The following MVK variants were observed in gnomAD, a reference collection of about 807,000 sequenced individuals.
MVK encodes LH receptor mRNA-binding protein.
A neutral mutation model predicts 43.2 loss-of-function variants in MVK; 34 were observed. That is an observed-to-expected ratio of 0.79 (90% CI 0.60 to 1.05). The LOEUF (loss-of-function observed/expected upper bound fraction) is 1.05. MVK is among the 50% of genes least tolerant of loss of function. The probability of loss-of-function intolerance (pLI) is 0.00; values close to 1 mark genes in which losing one functional copy is unlikely to be tolerated. For synonymous variants in MVK, 190 were observed against 219.8 expected, an observed-to-expected ratio of 0.86 and a Z score of 1.20; for missense variants, 395 against 504.0, an observed-to-expected ratio of 0.78 and a Z score of 2.07.
chr12:109,585,379 A>T (rs1358034283), intron 5 of MVK, among the ~76,000 whole-genome samples: 1 of 152,198 alleles, frequency 6.6e-6, no homozygotes, highest in African/African-American at 2.4e-5. Flanking sequence ...CCTTGCCATC[A>T]TTAGACACAC....
At chr12:109,579,157 T>TTTTA in intron 3 of MVK, 2 of 396,402 alleles carry the variant, frequency 5.0e-6, no homozygotes, top group Admixed American at 6.3e-5. Context: ...TTTTTTTTTT[T>TTTTA]GAGACAGGGT....
intron 5 of MVK, among the ~76,000 whole-genome samples, chr12:109,583,089 G>GTTT (rs71079573): frequency 3.8e-4 from 57 of 148,872 alleles, no homozygotes; most frequent in Non-Finnish European, 4.7e-4. Flanking sequence ...TCCTTGGTCT[G>GTTT]TTTTTTTTTT....
At chr12:109,583,457 C>T (rs1460133166) in intron 5 of MVK, among the ~76,000 whole-genome samples, 12 of 152,166 alleles carry the variant, frequency 7.9e-5, no homozygotes, top group Admixed American at 7.9e-4. Context: ...CATAGTGTTC[C>T]ATGGTGTATA....
At chr12:109,581,673 T>C in intron 5 of MVK, 123 bp downstream of exon 5, 2 of 1,388,294 alleles carry the variant, frequency 1.4e-6, no homozygotes, top group Non-Finnish European at 2.0e-6. Flanking sequence ...CATTTTAACA[T>C]GAGGAAGCTG....
At chr12:109,585,726 C>G (rs1010115500) in intron 5 of MVK, among the ~76,000 whole-genome samples, 1 of 151,974 alleles carries the variant, frequency 6.6e-6, no homozygotes, top group Non-Finnish European at 1.5e-5. Flanking sequence ...CACCACTGCA[C>G]TCCAGCCTGG....
rs539146613 is a variant in MVK at position 109,586,811 on chromosome 12, G to A, written c.677+12G>A. The A allele has an allele frequency of 3.7e-6, 6 of 1,613,950 alleles. No individual in the cohort carries two copies. The highest frequency in any genetic ancestry group is 4.5e-5 in the East Asian group (2 of 44,890). ...TCATCCTTAAAGAGGTAACCTGGGG[G>A]TGGAGCAGCACATTCAGCCATGGCT... On this transcript the variant is annotated intron_variant, in intron 7 of 10. Coordinates refer to ENST00000228510, the MANE Select transcript of MVK (RefSeq NM_000431.4).
In MVK at chr12:109,595,271, GGAAA is replaced by G; in HGVS notation, c.1039+91_1039+94del. ...TTCCCTTGAAAGGAAAAAGAGACCT[GGAAA>G]CAGGTCTCAGCTCCGCTGTGTGGCC... On this transcript the variant is annotated intron_variant, in intron 10 of 10. Transcript: ENST00000228510. This position sits in a 1 kb window ranked among gnomAD's most constrained non-coding sequence, Gnocchi z 5.9. The G allele has an allele frequency of 2.6e-6, 4 of 1,544,294 alleles. No homozygotes were observed. The highest frequency in any genetic ancestry group is 3.5e-6 in the Non-Finnish European group (4 of 1,139,556).
At position 109,595,104 on chromosome 12, in the gene MVK, T is replaced by C; in HGVS notation, c.962T>C (p.Val321Ala). The change falls in exon 10 of 11, where the codon GTG (valine) becomes GCG (alanine). Residue 321 changes from valine to alanine, a missense_variant. Coordinates refer to ENST00000228510, the MANE Select transcript of MVK (RefSeq NM_000431.4). The surrounding 1 kb of genome is among the most constrained non-coding windows in gnomAD (Gnocchi z 5.9). ...GCCTCTCTGGACCAGCTCTGCCAGG[T>C]GACCAGGGCCCGCGGACTTCACAGC... is the stretch of plus-strand genomic sequence containing the variant. ...GHASLDQLCQ[V>A]TRARGLHSKL... 1 of 1,614,184 alleles carries C rather than the reference T, an allele frequency of 6.2e-7. No homozygotes were observed. The highest frequency in any genetic ancestry group is 8.5e-7 in the Non-Finnish European group (1 of 1,180,038).
intron 5 of MVK, among the ~76,000 whole-genome samples, chr12:109,582,830 C>T (rs1221466534): frequency 6.6e-6 from 1 of 152,204 alleles, no homozygotes; most frequent in Non-Finnish European, 1.5e-5. Flanking sequence ...GGCACGCTGC[C>T]ACCTGTTGGT....
intron 7 of MVK, chr12:109,589,806 C>T (rs944766559): frequency 6.6e-6 from 1 of 152,304 alleles, no homozygotes; most frequent in African/African-American, 2.4e-5. Flanking sequence ...CCATCCCAGC[C>T]TGCAGCCCTC....
At chr12:109,586,641 CCT>C (rs1460676567) in intron 6 of MVK, 111 bp from the exon 7 acceptor site, 6 of 1,168,378 alleles carry the variant, frequency 5.1e-6, no homozygotes, top group Non-Finnish European at 7.7e-6. Context: ...CATTACTTAG[CCT>C]CTTTCCTGAA....
chr12:109,579,837 G>C lies in MVK; in HGVS notation c.262G>C (p.Val88Leu). ...TGTCACAACACCCACCTCAGAGCAA[G>C]TGGAGAAGCTAAAGGAGGTTGCAGG... is the stretch of plus-strand genomic sequence containing the variant. The part of the protein sequence containing the change: ...GDVTTPTSEQ[V>L]EKLKEVAGLP... Residue 88 changes from valine (V) to leucine (L), a missense_variant, in exon 4 of 11, where the codon GTG (valine) becomes CTG (leucine). Transcript: ENST00000228510. 1 of 1,614,274 alleles carries C rather than the reference G, an allele frequency of 6.2e-7. No homozygotes were observed. Among genetic ancestry groups the C allele is most frequent in the Non-Finnish European group, 8.5e-7 (1 of 1,180,046 alleles).
At chr12:109,593,497 A>G (rs1436324003) in intron 9 of MVK, among the ~76,000 whole-genome samples, 6 of 152,200 alleles carry the variant, frequency 3.9e-5, no homozygotes, top group African/African-American at 7.2e-5. Context: ...GAGGCAGGGT[A>G]GACAGGAGCT....
intron 2 of MVK, 86 bp from the exon 3 acceptor site, chr12:109,575,912 T>G: frequency 1.3e-6 from 2 of 1,528,180 alleles, no homozygotes; most frequent in Non-Finnish European, 1.8e-6. Context: ...GCCTCTGTGC[T>G]TATGTTTGCT....
chr12:109,574,705 C>CAAA (rs1190686418), intron 1 of MVK, 104 bp from the exon 2 acceptor site: 2 of 1,012,868 alleles, frequency 2.0e-6, no homozygotes, highest in East Asian at 5.2e-5. Flanking sequence ...CGGTAACTAC[C>CAAA]TTTTTTGTTA....
upstream of MVK, chr12:109,573,638 T>C: frequency 2.3e-6 from 2 of 888,648 alleles, no homozygotes; most frequent in Non-Finnish European, 3.6e-6. Flanking sequence ...TTGTTTCCCA[T>C]TGGTTTAACG....
intron 9 of MVK, among the ~76,000 whole-genome samples, chr12:109,592,110 G>A (rs1033517615): frequency 1.3e-5 from 2 of 152,192 alleles, no homozygotes; most frequent in Non-Finnish European, 2.9e-5. Flanking sequence ...CAGACATGAC[G>A]GTACATATCG....
intron 7 of MVK, chr12:109,590,277 CCTT>C: frequency 3.8e-6 from 1 of 260,620 alleles, no homozygotes; most frequent in South Asian, 4.7e-5. Context: ...TTCGCCCCCT[CCTT>C]GTACTCTGCT....
chr12:109,573,774 C>A, upstream of MVK: 1 of 457,978 alleles, frequency 2.2e-6, no homozygotes. Context: ...TACAACGCCT[C>A]CTCCCCTTGA....
Sources: gnomAD v4.1 joint callset for allele counts (sites outside exome capture counted in the v4.1 genomes callset) on GRCh38, gnomAD v4.1.1 for gene constraint, Gnocchi (gnomAD v3.1) non-coding constraint, MANE v1.5 for transcripts, NCBI Gene and HGNC (gene_info 2026-07-23, HGNC 2026-07-21) for gene names.